GABRG3: variants seen among roughly 807,000 people sequenced by gnomAD.
The protein encoded by GABRG3 is gamma-aminobutyric acid type A receptor subunit gamma3, also known as gamma-aminobutyric acid receptor subunit gamma-3.
In GABRG3, 25 loss-of-function variants were observed where a neutral mutation model predicts 48.8. The observed-to-expected ratio is 0.51, with a 90% CI of 0.37 to 0.72. GABRG3 has a LOEUF of 0.72. GABRG3 is among the 30% of genes least tolerant of loss of function. GABRG3 has a pLI of 0.00. For missense variants in GABRG3, 394 were observed against 577.9 expected, an observed-to-expected ratio of 0.68 and a Z score of 3.26; for synonymous variants, 227 against 217.6, an observed-to-expected ratio of 1.04 and a Z score of -0.38.
intron 3 of GABRG3, among the ~76,000 whole-genome samples, chr15:27,063,463 CT>C (rs1202224242): frequency 6.6e-6 from 1 of 152,200 alleles, no homozygotes; most frequent in African/African-American, 2.4e-5. Context: ...TGAGTGAGCT[CT>C]AGCTCTGAGT....
chr15:27,003,537 G>A (rs940447233), intron 2 of GABRG3, among the ~76,000 whole-genome samples: 1 of 152,090 alleles, frequency 6.6e-6, no homozygotes, highest in Non-Finnish European at 1.5e-5. Context: ...ACAGGGCTGG[G>A]GGTAAGGTCA....
rs1323242406 is a variant in GABRG3 at position 27,527,590 on chromosome 15, C to A, written c.1023C>A (p.Ser341=). 5 of 1,613,106 alleles carry A rather than the reference C, an allele frequency of 3.1e-6. No individual in the cohort carries two copies. The South Asian group carries it at 5.5e-5, about 18-fold the overall frequency. ...LMEYATLNYY[S]SCRKPTTTKK... ...AGTATGCCACCCTCAACTACTATTC[C>A]AGCTGTAGAAAACCAACCACCACGA... Residue 341 remains serine, a synonymous_variant, in exon 8 of 10, where the codon TCC becomes TCA. Coordinates refer to ENST00000615808, the MANE Select transcript of GABRG3 (RefSeq NM_033223.5).
chr15:27,390,130 C>A (rs1896177233), intron 5 of GABRG3, among the ~76,000 whole-genome samples: 1 of 152,198 alleles, frequency 6.6e-6, no homozygotes, highest in African/African-American at 2.4e-5. Flanking sequence ...ATGATAAAAT[C>A]AGAACAGATA....
chr15:27,209,456 C>T (rs1888998286), intron 3 of GABRG3, among the ~76,000 whole-genome samples: 1 of 151,572 alleles, frequency 6.6e-6, no homozygotes, highest in Non-Finnish European at 1.5e-5. Flanking sequence ...GTGGCGCTAT[C>T]CCGGCCCGGC....
At chr15:27,270,459 G>A (rs1891046605) in intron 3 of GABRG3, among the ~76,000 whole-genome samples, 1 of 152,152 alleles carries the variant, frequency 6.6e-6, no homozygotes, top group African/African-American at 2.4e-5. Flanking sequence ...AAGTTCTATT[G>A]AAAGATAGTA....
In GABRG3 at chr15:27,058,737, C is replaced by T. The variant is rs571650514; in HGVS notation, c.270+31916C>T. Among the ~76,000 whole-genome samples, 32 of 151,852 alleles carry T rather than the reference C, an allele frequency of 2.1e-4. No individual in the cohort carries two copies. The South Asian group carries it at 6.6e-3, about 32-fold the overall frequency. ...ACTTTACCTATACAGTGCTTAAGAC[C>T]GATTTAGTCTATTAGAAACCAGTAA... is the stretch of plus-strand genomic sequence containing the variant. On this transcript the variant is annotated intron_variant, in intron 3 of 9. Coordinates refer to ENST00000615808, the MANE Select transcript of GABRG3 (RefSeq NM_033223.5).
At chr15:27,034,862 C>T (rs1216569566) in intron 3 of GABRG3, among the ~76,000 whole-genome samples, 1 of 152,204 alleles carries the variant, frequency 6.6e-6, no homozygotes, top group Non-Finnish European at 1.5e-5. Context: ...GCTCTACATG[C>T]CTGTACACTA....
intron 3 of GABRG3, among the ~76,000 whole-genome samples, chr15:27,131,096 G>T (rs1435388201): frequency 6.6e-6 from 1 of 152,002 alleles, no homozygotes; most frequent in Non-Finnish European, 1.5e-5. Flanking sequence ...GGTAAAGTGG[G>T]CATTCTTGTC....
Position 27,170,585 on chromosome 15 carries a change from AAGAC to A in GABRG3, c.270+143772_270+143775del, listed in dbSNP as rs367864296. On this transcript the variant is annotated intron_variant, in intron 3 of 9. Transcript: ENST00000615808. Reference sequence around the variant, plus strand: ...ACAAAGAGAAGAAAAAGCAGGATGAAAGACAGACAGAAACATATAAGTAATTATA... The same window carrying A: ...ACAAAGAGAAGAAAAAGCAGGATGAAAGACAGAAACATATAAGTAATTATA... Among the ~76,000 whole-genome samples, 209 of 152,320 alleles carry A rather than the reference AAGAC, an allele frequency of 1.4e-3. 2 individuals carry two copies. The South Asian group carries it at 0.015, about 11-fold the overall frequency.
At chr15:27,190,197 T>A (rs1888246398) in intron 3 of GABRG3, among the ~76,000 whole-genome samples, 1 of 152,214 alleles carries the variant, frequency 6.6e-6, no homozygotes, top group Admixed American at 6.5e-5. Flanking sequence ...CTTTTTTGGT[T>A]GTGTCTCTGC....
chr15:27,430,616 G>A (rs1376763833), intron 5 of GABRG3, among the ~76,000 whole-genome samples: 4 of 152,082 alleles, frequency 2.6e-5, no homozygotes, highest in African/African-American at 9.7e-5. Flanking sequence ...GTTTGCATGT[G>A]CATATCCCAT....
intron 3 of GABRG3, among the ~76,000 whole-genome samples, chr15:27,041,435 C>A (rs1896274455): frequency 6.6e-6 from 1 of 152,142 alleles, no homozygotes; most frequent in African/African-American, 2.4e-5. Flanking sequence ...CCTGCCTTGG[C>A]CTCTCAAAGT....
chr15:27,517,767 A>G (rs575501652), intron 6 of GABRG3, among the ~76,000 whole-genome samples: 2 of 152,300 alleles, frequency 1.3e-5, no homozygotes, highest in East Asian at 3.9e-4. Flanking sequence ...CATAATTCAA[A>G]TCACATTTCC....
At chr15:27,400,908 G>A (rs187676058) in intron 5 of GABRG3, among the ~76,000 whole-genome samples, 20 of 152,222 alleles carry the variant, frequency 1.3e-4, no homozygotes, top group Admixed American at 3.9e-4. Context: ...AATCCACGAC[G>A]GGAGACAAAA....
intron 6 of GABRG3, among the ~76,000 whole-genome samples, chr15:27,482,600 A>T (rs963390342): frequency 6.6e-6 from 1 of 152,164 alleles, no homozygotes; most frequent in South Asian, 2.1e-4. Context: ...CTAACTCAAC[A>T]TTATGACTAT....
intron 5 of GABRG3, among the ~76,000 whole-genome samples, chr15:27,429,265 G>A (rs1888378947): frequency 6.6e-6 from 1 of 152,156 alleles, no homozygotes. Context: ...GCCCTTGTTT[G>A]ACCTTTCCGT....
chr15:27,360,423 C>T (rs1894983253), intron 5 of GABRG3, among the ~76,000 whole-genome samples: 1 of 152,190 alleles, frequency 6.6e-6, no homozygotes, highest in Non-Finnish European at 1.5e-5. Context: ...TGTATTTTAC[C>T]TGGGAAACTC....
chr15:27,142,510 C>T (rs1436613069), intron 3 of GABRG3, among the ~76,000 whole-genome samples: 1 of 152,100 alleles, frequency 6.6e-6, no homozygotes, highest in Non-Finnish European at 1.5e-5. Flanking sequence ...GGAAAACCAC[C>T]CTCATGATTC....
In GABRG3 at chr15:27,480,697, G is replaced by A; in HGVS notation, c.622G>A (p.Val208Met). Residue 208 changes from valine to methionine, a missense_variant, in exon 6 of 10, where the codon GTG (valine) becomes ATG (methionine). Val to Met is a conservative substitution (Grantham distance 21). Transcript: ENST00000615808. ...EMIYRWRKNS[V>M]EAADQKSWRL... ...GATTTATAGATGGAGAAAAAATTCA[G>A]TGGAGGCAGCTGACCAGAAATCATG... 6.2e-7 allele frequency: 1 copy of A among 1,612,560 alleles called. No homozygotes were observed. Among genetic ancestry groups the A allele is most frequent in the Admixed American group, 1.7e-5 (1 of 59,896 alleles).
Sources: allele counts gnomAD v4.1 joint callset (sites outside exome capture counted in the v4.1 genomes callset), GRCh38; gene constraint gnomAD v4.1.1; transcripts MANE v1.5; gene names NCBI Gene and HGNC (gene_info 2026-07-23, HGNC 2026-07-21).